Variants in TSPAN15 observed in about 807,000 individuals in gnomAD.
TSPAN15 encodes the protein tetraspanin-15.
Under a neutral mutation model 34.5 loss-of-function variants are expected in TSPAN15, and 20 were observed. That is an observed-to-expected ratio of 0.58 (90% CI 0.41 to 0.84). The LOEUF (loss-of-function observed/expected upper bound fraction) is 0.84, where lower values mean the gene tolerates loss of function less well. Ranked by LOEUF, TSPAN15 falls within the 40% of genes least tolerant of loss-of-function variation. TSPAN15 has a pLI of 0.00. For synonymous variants in TSPAN15, 155 were observed against 153.9 expected (o/e 1.01, Z -0.05); for missense variants, 313 against 386.1 (o/e 0.81, Z 1.59).
At chr10:69,483,908 C>G in intron 2 of TSPAN15, 32 bp downstream of exon 2, 1 of 1,602,984 alleles carries the variant, frequency 6.2e-7, no homozygotes, top group Non-Finnish European at 8.5e-7. Flanking sequence ...TCAGCCGGGA[C>G]TCCCCAGGAG....
the TSPAN15 span, among the ~76,000 whole-genome samples, chr10:69,517,738 C>T: frequency 5.9e-5 from 9 of 152,180 alleles, no homozygotes; most frequent in African/African-American, 9.7e-5. Context: ...TGGCACCACA[C>T]GCCCCAATAT....
intron 1 of TSPAN15, among the ~76,000 whole-genome samples, chr10:69,453,504 A>AG (rs1339751438): frequency 6.6e-6 from 1 of 152,060 alleles, no homozygotes; most frequent in African/African-American, 2.4e-5. Context: ...AGGAAGATGG[A>AG]GTTGTATTTT....
chr10:69,463,312 T>C (rs188059852), intron 1 of TSPAN15, among the ~76,000 whole-genome samples: 1 of 152,216 alleles, frequency 6.6e-6, no homozygotes, highest in Admixed American at 6.5e-5. Flanking sequence ...GTCAGTGAAC[T>C]GCAGTTCTGG....
At chr10:69,533,035 G>T in the TSPAN15 span, among the ~76,000 whole-genome samples, 2 of 152,294 alleles carry the variant, frequency 1.3e-5, no homozygotes, top group Middle Eastern at 6.8e-3. Flanking sequence ...AGTAGATGCT[G>T]GTGTGGATGC....
downstream of TSPAN15, among the ~76,000 whole-genome samples, chr10:69,510,220 G>A (rs868868429): frequency 4.1e-4 from 62 of 152,308 alleles, no homozygotes; most frequent in African/African-American, 1.5e-3. Context: ...AGCAAGGAAT[G>A]TTTTTCCATT....
intron 1 of TSPAN15, among the ~76,000 whole-genome samples, chr10:69,474,678 G>A (rs952617152): frequency 3.3e-5 from 5 of 152,058 alleles, no homozygotes; most frequent in Admixed American, 2.6e-4. Context: ...ACCCCTGAGC[G>A]GTTACCCTGG....
intron 1 of TSPAN15, among the ~76,000 whole-genome samples, chr10:69,465,767 T>C (rs1841370588): frequency 6.6e-6 from 1 of 152,232 alleles, no homozygotes; most frequent in South Asian, 2.1e-4. Context: ...TTGGAAGAAC[T>C]TTTCTTAGAG....
At chr10:69,498,107 C>T (rs1030068571) in intron 4 of TSPAN15, among the ~76,000 whole-genome samples, 173 bp from the exon 5 acceptor site, 4 of 152,138 alleles carry the variant, frequency 2.6e-5, no homozygotes, top group African/African-American at 9.7e-5. Flanking sequence ...TCACTACCCT[C>T]TAGGCAGCCA....
chr10:69,487,102 T>C (rs1209157756), intron 3 of TSPAN15, among the ~76,000 whole-genome samples: 1 of 151,906 alleles, frequency 6.6e-6, no homozygotes, highest in African/African-American at 2.4e-5. Context: ...GTTAGTGCTT[T>C]CCTGGCTGGA....
intron 3 of TSPAN15, among the ~76,000 whole-genome samples, chr10:69,492,711 C>A (rs1841994188): frequency 6.6e-6 from 1 of 152,192 alleles, no homozygotes; most frequent in South Asian, 2.1e-4. Flanking sequence ...GAGGCAGAGC[C>A]TTTCCCCACA....
chr10:69,530,820 CTATATATATATATA>C, the TSPAN15 span, among the ~76,000 whole-genome samples: 558 of 30,752 alleles, frequency 0.018, 26 homozygotes, highest in Middle Eastern at 0.042. Flanking sequence ...CTCTCTCTCT[CTATATATATATATA>C]TATATATATA....
chr10:69,526,601 A>C, the TSPAN15 span, among the ~76,000 whole-genome samples: 1 of 147,646 alleles, frequency 6.8e-6, no homozygotes. Flanking sequence ...CGAGACCAGC[A>C]AGGCAATATA....
At chr10:69,504,747 C>T (rs1480930369) in intron 6 of TSPAN15, among the ~76,000 whole-genome samples, 1 of 152,196 alleles carries the variant, frequency 6.6e-6, no homozygotes, top group Non-Finnish European at 1.5e-5. Context: ...GAAGCCACCA[C>T]GGCGCTTCCT....
rs573476502 is a variant in TSPAN15, at chr10:69,494,792, C to G, written c.358-802C>G. Reference sequence around the variant, plus strand: ...TCCCCAGTCTCTGCTGATACTCGACCTCCGTGCTCTGAAAGCTGCGATTGT... The same window carrying G: ...TCCCCAGTCTCTGCTGATACTCGACGTCCGTGCTCTGAAAGCTGCGATTGT... On this transcript the variant is annotated intron_variant, in intron 3 of 7. Transcript: ENST00000373290. The G allele has an allele frequency of 6.1e-6, 6 of 985,446 alleles. No homozygotes were observed. The South Asian group carries it at 2.8e-4, about 46-fold the overall frequency. 61.0% of individuals were successfully genotyped at this position (985,446 alleles called of 1,614,324 possible).
Position 69,451,578 on chromosome 10 carries a change from C to A in TSPAN15, c.-17C>A. On this transcript the variant is annotated 5_prime_UTR_variant, in exon 1 of 8. Coordinates refer to ENST00000373290, the MANE Select transcript of TSPAN15 (RefSeq NM_012339.5). ...AGAGCCCCGGAGCCCCCGTAACCCGCGCGGGGAGCGCCCAGGATGCCGCGC... is the reference window on the plus strand; with the variant it reads ...AGAGCCCCGGAGCCCCCGTAACCCGAGCGGGGAGCGCCCAGGATGCCGCGC... 6.9e-7 allele frequency: 1 copy of A among 1,444,338 alleles called. No homozygotes were observed. Among genetic ancestry groups the A allele is most frequent in the Non-Finnish European group, 9.1e-7 (1 of 1,094,798 alleles). 89.5% of individuals were successfully genotyped at this position (1,444,338 alleles called of 1,614,324 possible).
the TSPAN15 span, among the ~76,000 whole-genome samples, chr10:69,540,686 G>A: frequency 5.3e-5 from 8 of 152,156 alleles, no homozygotes; most frequent in Non-Finnish European, 1.0e-4. Flanking sequence ...ACCCCAACAT[G>A]CTTGCATGCT....
chr10:69,451,776 T>G, intron 1 of TSPAN15, 86 bp downstream of exon 1: 1 of 1,126,836 alleles, frequency 8.9e-7, no homozygotes, highest in South Asian at 2.4e-5. Flanking sequence ...GGGTCCACAC[T>G]TAGCCGCTCC....
intron 1 of TSPAN15, among the ~76,000 whole-genome samples, chr10:69,464,832 CA>C (rs1366805456): frequency 2.0e-5 from 3 of 152,310 alleles, no homozygotes; most frequent in Non-Finnish European, 2.9e-5. Flanking sequence ...CTCTAGTGTG[CA>C]GGGGGGACAA....
chr10:69,462,921 G>A (rs1841301932), intron 1 of TSPAN15, among the ~76,000 whole-genome samples: 1 of 152,166 alleles, frequency 6.6e-6, no homozygotes, highest in South Asian at 2.1e-4. Flanking sequence ...GAGTCAGTAG[G>A]GCCCCATGTG....
Sources: gnomAD v4.1 joint callset for allele counts (sites outside exome capture counted in the v4.1 genomes callset) on GRCh38, gnomAD v4.1.1 for gene constraint, MANE v1.5 for transcripts, NCBI Gene and HGNC (gene_info 2026-07-23, HGNC 2026-07-21) for gene names.